The following BSN variants were observed in gnomAD, a reference collection of about 807,000 sequenced individuals.
BSN encodes bassoon presynaptic cytomatrix protein.
Under a neutral mutation model 264.8 loss-of-function variants are expected in BSN, and 57 were observed. The ratio of observed to expected loss-of-function variants is 0.22; its 90% CI spans 0.17 to 0.27. The LOEUF is 0.27. Ranked by LOEUF, BSN falls within the 10% of genes least tolerant of loss-of-function variation. The pLI is 1.00. For synonymous variants in BSN, 2,059 were observed against 2,137.3 expected (o/e 0.96, Z 1.01); for missense variants, 4,615 against 5,232.5 (o/e 0.88, Z 3.64).
At chr3:49,606,225 T>TAAA (rs1449538249) in intron 1 of BSN, among the ~76,000 whole-genome samples, 1 of 51,228 alleles carries the variant, frequency 2.0e-5, no homozygotes, top group Non-Finnish European at 3.4e-5. Context: ...ATATTATATA[T>TAAA]ACATATATTA....
intron 1 of BSN, among the ~76,000 whole-genome samples, chr3:49,584,759 A>G (rs2051922108): frequency 2.0e-5 from 3 of 151,934 alleles, no homozygotes. Context: ...GTACCCATTA[A>G]CCATCCTCAC....
chr3:49,614,228 T>G (rs1422588785), intron 1 of BSN, among the ~76,000 whole-genome samples: 2 of 151,834 alleles, frequency 1.3e-5, no homozygotes, highest in Non-Finnish European at 2.9e-5. Context: ...CCCAGCTAAT[T>G]TTTTGTATTT....
chr3:49,664,380 C>G (rs2108100008), intron 8 of BSN, 43 bp from the exon 9 acceptor site: 1 of 1,613,322 alleles, frequency 6.2e-7, no homozygotes, highest in South Asian at 1.1e-5. Flanking sequence ...CCCTAAAGAG[C>G]CAGGCCGTGC....
In BSN at chr3:49,625,391, C is replaced by T; in HGVS notation, c.633+8C>T. Reference sequence around the variant, plus strand: ...AACCCTCATCTCACCCAGGTAACCACTTCTGCGCCGGCTCCCCACTCACCT... The same window carrying T: ...AACCCTCATCTCACCCAGGTAACCATTTCTGCGCCGGCTCCCCACTCACCT... On this transcript the variant is annotated splice_region_variant and intron_variant, in intron 2 of 11. Transcript: ENST00000296452. The surrounding 1 kb of genome is among the most constrained non-coding windows in gnomAD (Gnocchi z 4.4). 3 of 1,464,524 alleles carry T rather than the reference C, an allele frequency of 2.0e-6. No homozygotes were observed. The highest frequency in any genetic ancestry group is 2.7e-6 in the Non-Finnish European group (3 of 1,108,306). The allele number at this position is 1,464,524 out of a possible 1,614,324, so 90.7% of individuals were successfully genotyped here. A position where few individuals can be genotyped will look rare whatever the true frequency, so the allele number is the denominator to read the frequency against.
chr3:49,587,923 T>TTTTCTTTTCTTTTC (rs1418602183), intron 1 of BSN, among the ~76,000 whole-genome samples: 1 of 148,730 alleles, frequency 6.7e-6, no homozygotes, highest in African/African-American at 2.5e-5. Context: ...TTTTCTTTTC[T>TTTTCTTTTCTTTTC]TTTCTTTTTT....
intron 1 of BSN, among the ~76,000 whole-genome samples, chr3:49,615,561 C>T (rs1330318343): frequency 6.6e-6 from 1 of 152,138 alleles, no homozygotes; most frequent in Non-Finnish European, 1.5e-5. Flanking sequence ...GCCCAGGAAC[C>T]CTGGGTGTGG....
In BSN at chr3:49,664,529, C is replaced by T. The variant is rs756926499; in HGVS notation, c.11715C>T (p.Ala3905=). 22 of 1,608,916 alleles carry T rather than the reference C, an allele frequency of 1.4e-5. No individual in the cohort carries two copies. The highest frequency in any genetic ancestry group is 4.4e-5 in the South Asian group (4 of 90,484). Residue 3905 remains alanine (A), a synonymous_variant, in exon 9 of 12, where the codon GCC becomes GCT. Coordinates refer to ENST00000296452, the MANE Select transcript of BSN (RefSeq NM_003458.4). ...VFSKILPGGA[A]EQAGKLTEAV... is the part of the protein sequence containing the mutation. ...CCAAGATCCTCCCTGGCGGGGCAGC[C>T]GAGCAAGCTGGCAAACTGACGGAAG...
At chr3:49,622,984 A>C (rs2052316681) in intron 1 of BSN, among the ~76,000 whole-genome samples, 1 of 152,116 alleles carries the variant, frequency 6.6e-6, no homozygotes, top group Admixed American at 6.5e-5. Context: ...AACACTATTT[A>C]ATAGTGTTTC....
chr3:49,622,370 C>T (rs1330788506), intron 1 of BSN, among the ~76,000 whole-genome samples: 1 of 152,188 alleles, frequency 6.6e-6, no homozygotes, highest in East Asian at 1.9e-4. Context: ...TGTGGGTGCA[C>T]ATCAATGCCA....
In BSN at chr3:49,655,852, G is replaced by C. The variant is rs780224900; in HGVS notation, c.6296G>C (p.Ser2099Thr). ...QYSATTAREI[S>T]RMCAALNSMD... ...AGTGCCACCACAGCCCGTGAAATCA[G>C]TCGCATGTGCGCTGCCCTCAACTCC... The change falls in exon 5 of 12, where the codon AGT becomes ACT. Residue 2099 changes from serine (S) to threonine (T), a missense_variant. Coordinates refer to ENST00000296452, the MANE Select transcript of BSN (RefSeq NM_003458.4). 1 of 1,613,316 alleles carries C rather than the reference G, an allele frequency of 6.2e-7. No homozygotes were observed. Among genetic ancestry groups the C allele is most frequent in the Non-Finnish European group, 8.5e-7 (1 of 1,180,024 alleles).
At chr3:49,571,887 A>G (rs990554124) in intron 1 of BSN, among the ~76,000 whole-genome samples, 4 of 152,180 alleles carry the variant, frequency 2.6e-5, no homozygotes, top group Non-Finnish European at 4.4e-5. Flanking sequence ...CCATACCCCA[A>G]TAAATTAGCT....
chr3:49,659,808 C>T (rs1255853427), intron 5 of BSN, among the ~76,000 whole-genome samples: 1 of 152,090 alleles, frequency 6.6e-6, no homozygotes, highest in Non-Finnish European at 1.5e-5. Context: ...AGCAGGTTGA[C>T]CGAGGGACAT....
rs2052564199 is a variant in BSN at position 49,653,582 on chromosome 3, C to T, written c.4026C>T (p.Val1342=). 5 of 1,613,888 alleles carry T rather than the reference C, an allele frequency of 3.1e-6. No homozygotes were observed. In the East Asian group the frequency reaches 8.9e-5, roughly 29 times the overall value. The part of the protein sequence containing the change: ...SGGRVIPDVR[V]TQHFAKETQD... ...GCCGAGTTATTCCCGATGTCCGTGT[C>T]ACTCAGCATTTTGCAAAGGAGACTC... The change falls in exon 5 of 12, where the codon GTC becomes GTT. Residue 1342 remains valine, a synonymous_variant. Transcript: ENST00000296452. The surrounding 1 kb of genome is among the most constrained non-coding windows in gnomAD (Gnocchi z 6.3).
rs188069304 is a variant in BSN at position 49,642,086 on chromosome 3, G to A, written c.634-182G>A. On this transcript the variant is annotated intron_variant, in intron 2 of 11. Transcript: ENST00000296452. The surrounding 1 kb of genome is among the most constrained non-coding windows in gnomAD (Gnocchi z 7.0). ...CCTCACATGCCTGGCAACTCCTAGA[G>A]GGCAGGGGAGTGCCATCTGTCCTTC... Among the ~76,000 whole-genome samples, 1 of 152,284 alleles carries A rather than the reference G, an allele frequency of 6.6e-6. No individual in the cohort carries two copies. Among genetic ancestry groups the A allele is most frequent in the Admixed American group, 6.5e-5 (1 of 15,296 alleles).
At chr3:49,589,957 C>A (rs1311998026) in intron 1 of BSN, among the ~76,000 whole-genome samples, 1 of 151,920 alleles carries the variant, frequency 6.6e-6, no homozygotes, top group Non-Finnish European at 1.5e-5. Context: ...CCTGCCTCAG[C>A]CTCCTGAGGA....
In BSN at chr3:49,653,181, C is replaced by G; in HGVS notation, c.3625C>G (p.Arg1209Gly). The change falls in exon 5 of 12, where the codon CGG becomes GGG. Residue 1209 changes from arginine (R) to glycine (G), a missense_variant. Around this residue, in one of 3 missense-constraint regions of BSN, gnomAD observed 3,415 missense variants for 3,866.4 expected, o/e 0.88. Transcript: ENST00000296452. The surrounding 1 kb of genome is among the most constrained non-coding windows in gnomAD (Gnocchi z 6.3). ...GCAGCAAGGCCAGGCAGCAGGGGCCCGGGGACCCCATGGCGGCCCCTCTCA... is the reference window on the plus strand; with the variant it reads ...GCAGCAAGGCCAGGCAGCAGGGGCCGGGGGACCCCATGGCGGCCCCTCTCA... ...QRQQGQAAGA[R>G]GPHGGPSQPT... The G allele has an allele frequency of 6.2e-7, 1 of 1,611,412 alleles. No individual in the cohort carries two copies. The highest frequency in any genetic ancestry group is 8.5e-7 in the Non-Finnish European group (1 of 1,179,412).
Position 49,653,873 on chromosome 3 carries a change from C to G in BSN, c.4317C>G (p.Pro1439=). ...AAACTGAGGATCTACCCCAGGCCCC[C>G]AGTGGCCTTGCTGCAGCTGGACGAG... ...GSQTEDLPQA[P]SGLAAAGRAA... is the part of the protein sequence containing the mutation. The change falls in exon 5 of 12, where the codon CCC becomes CCG. Residue 1439 remains proline, a synonymous_variant. Coordinates refer to ENST00000296452, the MANE Select transcript of BSN (RefSeq NM_003458.4). This position sits in a 1 kb window ranked among gnomAD's most constrained non-coding sequence, Gnocchi z 6.3. 6.2e-7 allele frequency: 1 copy of G among 1,614,094 alleles called. No individual in the cohort carries two copies. The highest frequency in any genetic ancestry group is 8.5e-7 in the Non-Finnish European group (1 of 1,179,972).
In BSN at chr3:49,660,593, G is replaced by A; in HGVS notation, c.8748G>A (p.Gln2916=). 6.2e-7 allele frequency: 1 copy of A among 1,612,436 alleles called. No individual in the cohort carries two copies. Among genetic ancestry groups the A allele is most frequent in the South Asian group, 1.1e-5 (1 of 91,018 alleles). Residue 2916 remains glutamine (Q), a synonymous_variant, in exon 6 of 12, where the codon CAG becomes CAA. Coordinates refer to ENST00000296452, the MANE Select transcript of BSN (RefSeq NM_003458.4). This position sits in a 1 kb window ranked among gnomAD's most constrained non-coding sequence, Gnocchi z 7.1. ...HLPLAGQASP[Q]LYAASLLQRG... ...CCCTGGCTGGCCAGGCCTCCCCACA[G>A]CTGTATGCAGCCAGCCTGCTGCAGC...
At position 49,661,734 on chromosome 3, in the gene BSN, G is replaced by A. The variant is rs267599873; in HGVS notation, c.9889G>A (p.Asp3297Asn). ...AGAGGAATCTGAGGAGGACTCATAC[G>A]ATCCCCGCGGGAAGGGTGGCCACCT... The part of the protein sequence containing the change: ...GEEESEEDSY[D>N]PRGKGGHLRS... The change falls in exon 6 of 12, where the codon GAT (aspartate) becomes AAT (asparagine). Residue 3297 changes from aspartate (D) to asparagine (N), a missense_variant. Around this residue, in one of 3 missense-constraint regions of BSN, gnomAD observed 3,415 missense variants for 3,866.4 expected, o/e 0.88. Coordinates refer to ENST00000296452, the MANE Select transcript of BSN (RefSeq NM_003458.4). The A allele has an allele frequency of 2.3e-5, 37 of 1,613,386 alleles. No homozygotes were observed. Among genetic ancestry groups the A allele is most frequent in the Admixed American group, 3.3e-5 (2 of 60,014 alleles).
Sources: allele counts gnomAD v4.1 joint callset (sites outside exome capture counted in the v4.1 genomes callset), GRCh38; gene constraint gnomAD v4.1.1; regional missense constraint gnomAD v4.1.1; non-coding constraint Gnocchi (gnomAD v3.1); transcripts MANE v1.5; gene names NCBI Gene and HGNC (gene_info 2026-07-23, HGNC 2026-07-21).